MEOX2: variants seen among roughly 807,000 people sequenced by gnomAD.
MEOX2 encodes the protein homeobox protein MOX-2.
Under a neutral mutation model 27.0 loss-of-function variants are expected in MEOX2, and 11 were observed. The ratio of observed to expected loss-of-function variants is 0.41; its 90% CI spans 0.26 to 0.68. The LOEUF is 0.68. Ranked by LOEUF, MEOX2 falls within the 30% of genes least tolerant of loss-of-function variation. The pLI is 0.33. For missense variants in MEOX2, 436 were observed against 385.4 expected, an observed-to-expected ratio of 1.13 and a Z score of -1.10; for synonymous variants, 189 against 155.4, an observed-to-expected ratio of 1.22 and a Z score of -1.61.
chr7:15,649,731 C>T (rs1781707680), intron 1 of MEOX2, among the ~76,000 whole-genome samples: 1 of 151,996 alleles, frequency 6.6e-6, no homozygotes. Context: ...CATTTTTGAG[C>T]AGAAAAACTG....
intron 1 of MEOX2, among the ~76,000 whole-genome samples, chr7:15,651,786 T>C (rs754794310): frequency 3.3e-5 from 5 of 152,040 alleles, no homozygotes; most frequent in African/African-American, 4.8e-5. Flanking sequence ...GGAAAAAATA[T>C]GAACAACATT....
At chr7:15,615,248 G>A (rs969728756) in intron 2 of MEOX2, among the ~76,000 whole-genome samples, 1 of 152,012 alleles carries the variant, frequency 6.6e-6, no homozygotes, top group Non-Finnish European at 1.5e-5. Flanking sequence ...AGATGATAAA[G>A]TTGAGGTAAA....
At chr7:15,684,371 T>C (rs963919339) in intron 1 of MEOX2, among the ~76,000 whole-genome samples, 1 of 152,200 alleles carries the variant, frequency 6.6e-6, no homozygotes, top group Non-Finnish European at 1.5e-5. Flanking sequence ...ATGATTAACC[T>C]TTCAACTCAC....
At chr7:15,615,069 A>T (rs1781101570) in intron 2 of MEOX2, among the ~76,000 whole-genome samples, 1 of 152,196 alleles carries the variant, frequency 6.6e-6, no homozygotes, top group African/African-American at 2.4e-5. Context: ...AGATTCACTA[A>T]AAAGTAGTTG....
intron 1 of MEOX2, among the ~76,000 whole-genome samples, chr7:15,666,014 C>G (rs552299452): frequency 1.3e-5 from 2 of 151,972 alleles, no homozygotes; most frequent in South Asian, 2.1e-4. Flanking sequence ...ATTCTAGAAC[C>G]CCTTCCAATT....
At chr7:15,652,712 T>C (rs895254276) in intron 1 of MEOX2, among the ~76,000 whole-genome samples, 3 of 152,038 alleles carry the variant, frequency 2.0e-5, no homozygotes, top group Non-Finnish European at 4.4e-5. Context: ...ATGCTATTTA[T>C]ATGGAATAAT....
At chr7:15,619,928 G>A (rs549170492) in intron 2 of MEOX2, among the ~76,000 whole-genome samples, 10 of 152,060 alleles carry the variant, frequency 6.6e-5, no homozygotes, top group East Asian at 1.9e-4. Flanking sequence ...TGTTTGCACC[G>A]AATAGATCTT....
chr7:15,672,615 G>T (rs1018573508), intron 1 of MEOX2, among the ~76,000 whole-genome samples: 3 of 152,126 alleles, frequency 2.0e-5, no homozygotes, highest in Admixed American at 6.5e-5. Context: ...ATATTGGGCA[G>T]GTCGCGGTGG....
At chr7:15,636,189 C>T (rs1222938935) in intron 1 of MEOX2, among the ~76,000 whole-genome samples, 8 of 151,804 alleles carry the variant, frequency 5.3e-5, no homozygotes, top group Non-Finnish European at 1.2e-4. Flanking sequence ...AGCCGATTCT[C>T]TTAAATGTTG....
chr7:15,639,436 T>G (rs1163445547), intron 1 of MEOX2, among the ~76,000 whole-genome samples: 2 of 152,036 alleles, frequency 1.3e-5, no homozygotes, highest in African/African-American at 2.4e-5. Context: ...GTTTTCTGAT[T>G]ATTCAATTGA....
chr7:15,634,389 T>C (rs1318995611), intron 1 of MEOX2, among the ~76,000 whole-genome samples: 3 of 151,978 alleles, frequency 2.0e-5, no homozygotes, highest in African/African-American at 7.2e-5. Flanking sequence ...TTTAGTGTTG[T>C]CAGATAAAAT....
chr7:15,619,514 G>A (rs1781182530), intron 2 of MEOX2, among the ~76,000 whole-genome samples: 1 of 151,950 alleles, frequency 6.6e-6, no homozygotes, highest in Non-Finnish European at 1.5e-5. Flanking sequence ...ATACCAGCTT[G>A]ATGAACGTTT....
intron 1 of MEOX2, among the ~76,000 whole-genome samples, chr7:15,683,505 C>A (rs1461023367): frequency 6.6e-6 from 1 of 151,704 alleles, no homozygotes; most frequent in African/African-American, 2.4e-5. Flanking sequence ...AATAGCATAC[C>A]AGGATCATAA....
At chr7:15,649,920 A>T (rs1267728686) in intron 1 of MEOX2, among the ~76,000 whole-genome samples, 1 of 152,106 alleles carries the variant, frequency 6.6e-6, no homozygotes, top group Non-Finnish European at 1.5e-5. Context: ...TCTCCATATT[A>T]AGCCAACGCT....
chr7:15,642,110 C>T lies in MEOX2; in HGVS notation c.518-15192G>A, dbSNP rs115421395. ...CCTTGTTGATGTTCATCTTGTATGG[C>T]ATCTTGCAGGTATTCCCTGCATTTC... On this transcript the variant is annotated intron_variant, in intron 1 of 2. Coordinates refer to ENST00000262041, the MANE Select transcript of MEOX2 (RefSeq NM_005924.5). Among the ~76,000 whole-genome samples the T allele has an allele frequency of 7.1e-3, 1,073 of 152,166 alleles. 9 individuals are homozygous for T. The highest frequency in any genetic ancestry group is 0.025 in the African/African-American group (1,024 of 41,510).
At chr7:15,617,064 A>G (rs1781135817) in intron 2 of MEOX2, among the ~76,000 whole-genome samples, 1 of 152,018 alleles carries the variant, frequency 6.6e-6, no homozygotes, top group South Asian at 2.1e-4. Flanking sequence ...AGGTGTCCTG[A>G]GGCAAATAGG....
At chr7:15,671,334 G>T (rs1782093090) in intron 1 of MEOX2, among the ~76,000 whole-genome samples, 1 of 152,128 alleles carries the variant, frequency 6.6e-6, no homozygotes, top group Non-Finnish European at 1.5e-5. Flanking sequence ...TTGCTAAAAT[G>T]GAATCAGTAT....
At chr7:15,676,857 CAA>C (rs60038068) in intron 1 of MEOX2, among the ~76,000 whole-genome samples, 3 of 132,416 alleles carry the variant, frequency 2.3e-5, no homozygotes, top group Admixed American at 7.7e-5. Context: ...AACTCGGTCT[CAA>C]AAAAAAAAAA....
At chr7:15,617,074 G>C (rs1289065958) in intron 2 of MEOX2, among the ~76,000 whole-genome samples, 1 of 151,988 alleles carries the variant, frequency 6.6e-6, no homozygotes, top group Non-Finnish European at 1.5e-5. Context: ...AGGCAAATAG[G>C]TTGATAGAAA....
Sources: allele counts gnomAD v4.1 joint callset (sites outside exome capture counted in the v4.1 genomes callset), GRCh38; gene constraint gnomAD v4.1.1; transcripts MANE v1.5; gene names NCBI Gene and HGNC (gene_info 2026-07-23, HGNC 2026-07-21).